DLGAP2: variants seen among roughly 807,000 people sequenced by gnomAD.
DLGAP2 encodes the protein DLG associated protein 2, also known as disks large-associated protein 2.
A neutral mutation model predicts 100.3 loss-of-function variants in DLGAP2; 26 were observed. The observed-to-expected ratio is 0.26, with a 90% CI of 0.19 to 0.36. The LOEUF is 0.36. DLGAP2 is among the 10% of genes least tolerant of loss of function. DLGAP2 has a pLI of 1.00. For synonymous variants in DLGAP2, 886 were observed against 630.1 expected (o/e 1.41, Z -6.08); for missense variants, 1,858 against 1,453.2 (o/e 1.28, Z -4.53).
intron 1 of DLGAP2, among the ~76,000 whole-genome samples, chr8:907,691 C>T (rs1028478650): frequency 2.0e-5 from 3 of 152,172 alleles, no homozygotes; most frequent in African/African-American, 4.8e-5. Flanking sequence ...ATTCCAGAAA[C>T]GGCATAGATG....
At chr8:1,423,615 G>C (rs1228516716) in intron 3 of DLGAP2, among the ~76,000 whole-genome samples, 1 of 152,222 alleles carries the variant, frequency 6.6e-6, no homozygotes, top group Non-Finnish European at 1.5e-5. Flanking sequence ...GGGAGCAGAG[G>C]CTGCTGGGAC....
At chr8:1,598,073 A>T (rs926266432) in intron 6 of DLGAP2, among the ~76,000 whole-genome samples, 4 of 152,216 alleles carry the variant, frequency 2.6e-5, no homozygotes, top group Non-Finnish European at 5.9e-5. Flanking sequence ...TTTAGCATGA[A>T]GCAGTGTCGA....
intron 1 of DLGAP2, among the ~76,000 whole-genome samples, chr8:789,962 C>G (rs1190067470): frequency 1.3e-5 from 2 of 152,170 alleles, no homozygotes; most frequent in Non-Finnish European, 2.9e-5. Context: ...CTGTTTTGTC[C>G]TGTGGAAAGT....
At chr8:1,494,964 G>A (rs139363924) in intron 3 of DLGAP2, among the ~76,000 whole-genome samples, 220 of 152,330 alleles carry the variant, frequency 1.4e-3, no homozygotes, top group African/African-American at 5.0e-3. Context: ...GTGGTAGGGT[G>A]TTAGAGTGAG....
intron 3 of DLGAP2, among the ~76,000 whole-genome samples, chr8:1,309,224 G>C (rs1034014580): frequency 2.0e-5 from 3 of 152,150 alleles, no homozygotes; most frequent in African/African-American, 7.2e-5. Flanking sequence ...AAAATTTGAG[G>C]AAAGATGTGA....
chr8:1,169,021 C>T lies in DLGAP2; in HGVS notation c.74-89830C>T, dbSNP rs59206385. Among the ~76,000 whole-genome samples the T allele has an allele frequency of 4.3e-3, 647 of 148,808 alleles. 5 individuals carry two copies. Among genetic ancestry groups the T allele is most frequent in the African/African-American group, 0.014 (554 of 40,196 alleles). On this transcript the variant is annotated intron_variant, in intron 2 of 14. Transcript: ENST00000637795. Reference sequence around the variant, plus strand: ...AGGTTTTTTATGGTTTTAGGTCTAACGTTTAAGTCTTTAATCCATCTTGAA... The same window carrying T: ...AGGTTTTTTATGGTTTTAGGTCTAATGTTTAAGTCTTTAATCCATCTTGAA...
intron 1 of DLGAP2, among the ~76,000 whole-genome samples, chr8:839,914 G>C (rs962341304): frequency 7.1e-6 from 1 of 140,992 alleles, no homozygotes; most frequent in Non-Finnish European, 1.6e-5. Flanking sequence ...CACACTCTGG[G>C]TTCTGCAAGC....
At chr8:1,179,099 C>G (rs565739363) in intron 2 of DLGAP2, among the ~76,000 whole-genome samples, 1 of 152,222 alleles carries the variant, frequency 6.6e-6, no homozygotes, top group African/African-American at 2.4e-5. Context: ...CATCAAGTGA[C>G]TTTTCTACAC....
At chr8:1,546,712 G>A (rs1018619917) in intron 4 of DLGAP2, among the ~76,000 whole-genome samples, 15 of 152,126 alleles carry the variant, frequency 9.9e-5, no homozygotes, top group African/African-American at 3.4e-4. Context: ...AGTCAGAGTG[G>A]GTGGCTCTCC....
At chr8:1,006,214 C>T (rs962791882) in intron 2 of DLGAP2, among the ~76,000 whole-genome samples, 1 of 152,056 alleles carries the variant, frequency 6.6e-6, no homozygotes, top group African/African-American at 2.4e-5. Context: ...AATCTCATGC[C>T]CCACCATCCC....
intron 3 of DLGAP2, among the ~76,000 whole-genome samples, chr8:1,465,845 G>A (rs1798613522): frequency 2.0e-5 from 3 of 152,220 alleles, no homozygotes; most frequent in Admixed American, 6.5e-5. Flanking sequence ...ACCCTCTGGG[G>A]TGAGGGTTTT....
At chr8:1,565,366 G>C in intron 5 of DLGAP2, 1 of 269,740 alleles carries the variant, frequency 3.7e-6, no homozygotes, top group Non-Finnish European at 6.8e-6. Context: ...TCTTATACCA[G>C]AGGGAAATAA....
At chr8:762,640 A>G (rs1050417493) in intron 1 of DLGAP2, among the ~76,000 whole-genome samples, 2 of 152,064 alleles carry the variant, frequency 1.3e-5, no homozygotes, top group African/African-American at 2.4e-5. Flanking sequence ...CTTGAGGTCC[A>G]CTGAATACAT....
rs577799075 is a variant in DLGAP2, at chr8:1,061,713, C to T, written c.73+153747C>T. ...GTGGCACGTTGTGCTACAGAATCAG[C>T]GAGCTCCACACTGCTTCCCTTCCCT... is the stretch of plus-strand genomic sequence containing the variant. On this transcript the variant is annotated intron_variant, in intron 2 of 14. Transcript: ENST00000637795. 3.3e-5 allele frequency among the ~76,000 whole-genome samples: 5 copies of T among 151,902 alleles called. No homozygotes were observed. The East Asian group carries it at 5.9e-4, about 18-fold the overall frequency.
intron 3 of DLGAP2, among the ~76,000 whole-genome samples, chr8:1,320,602 C>T (rs1467683393): frequency 1.3e-5 from 2 of 152,208 alleles, no homozygotes; most frequent in Non-Finnish European, 2.9e-5. Flanking sequence ...CTCTCAACTT[C>T]TCGAACATAT....
At chr8:1,087,257 T>C (rs1804004551) in intron 2 of DLGAP2, among the ~76,000 whole-genome samples, 1 of 152,238 alleles carries the variant, frequency 6.6e-6, no homozygotes, top group East Asian at 1.9e-4. Context: ...AGCAATATCA[T>C]AACATTCTGA....
Position 1,163,375 on chromosome 8 carries a change from T to A in DLGAP2, c.74-95476T>A, listed in dbSNP as rs544083765. Among the ~76,000 whole-genome samples the A allele has an allele frequency of 1.4e-3, 210 of 152,256 alleles. 2 individuals carry two copies. The highest frequency in any genetic ancestry group is 4.9e-3 in the African/African-American group (203 of 41,564). On this transcript the variant is annotated intron_variant, in intron 2 of 14. Transcript: ENST00000637795. ...GTTCCCTTCGCCTCCGCTCAGCGGG[T>A]CCGCGGTTCCGGCTGGAGACGGGCG...
At chr8:984,736 G>C (rs1563128534) in intron 2 of DLGAP2, among the ~76,000 whole-genome samples, 1 of 152,202 alleles carries the variant, frequency 6.6e-6, no homozygotes. Context: ...TATTGCATCT[G>C]TTTTTACATT....
At chr8:1,281,977 C>T (rs1799823080) in intron 3 of DLGAP2, among the ~76,000 whole-genome samples, 1 of 61,528 alleles carries the variant, frequency 1.6e-5, no homozygotes, top group African/African-American at 1.0e-4. Flanking sequence ...CATGGTGTAA[C>T]CTGAACCCAG....
Sources: allele counts gnomAD v4.1 joint callset (sites outside exome capture counted in the v4.1 genomes callset), GRCh38; gene constraint gnomAD v4.1.1; transcripts MANE v1.5; gene names NCBI Gene and HGNC (gene_info 2026-07-23, HGNC 2026-07-21).